Variants in GLCCI1 observed in about 807,000 individuals in gnomAD.
GLCCI1 encodes glucocorticoid induced 1, also known as glucocorticoid-induced transcript 1 protein.
GLCCI1 carries 24 observed loss-of-function variants against 52.2 expected under a neutral mutation model. The observed-to-expected ratio is 0.46, with a 90% CI of 0.33 to 0.65. The LOEUF is 0.65. Among genes scored for constraint, GLCCI1 ranks in the 30% least tolerant of loss-of-function variants. The probability of loss-of-function intolerance (pLI) is 0.02; values close to 1 mark genes in which losing one functional copy is unlikely to be tolerated. For missense variants in GLCCI1, 704 were observed against 701.5 expected, an observed-to-expected ratio of 1.00 and a Z score of -0.04; for synonymous variants, 310 against 276.5, an observed-to-expected ratio of 1.12 and a Z score of -1.20.
chr7:8,025,660 A>G (rs1781603079), intron 3 of GLCCI1, among the ~76,000 whole-genome samples: 1 of 152,218 alleles, frequency 6.6e-6, no homozygotes, highest in African/African-American at 2.4e-5. Context: ...CTACAGATTC[A>G]TGAAGCTTAA....
intron 4 of GLCCI1, among the ~76,000 whole-genome samples, chr7:8,059,722 G>T (rs957826047): frequency 6.6e-6 from 1 of 152,170 alleles, no homozygotes; most frequent in African/African-American, 2.4e-5. Context: ...CTCATACAGA[G>T]CTATACAGTA....
At chr7:8,056,359 G>C (rs935023025) in intron 4 of GLCCI1, among the ~76,000 whole-genome samples, 1 of 152,140 alleles carries the variant, frequency 6.6e-6, no homozygotes, top group Non-Finnish European at 1.5e-5. Context: ...GGATGATACT[G>C]ACCTGGATTG....
At chr7:8,050,514 A>T (rs1782233477) in intron 3 of GLCCI1, among the ~76,000 whole-genome samples, 1 of 152,180 alleles carries the variant, frequency 6.6e-6, no homozygotes, top group African/African-American at 2.4e-5. Flanking sequence ...TATAAACATT[A>T]AAGTTTGTCG....
chr7:7,998,185 T>G (rs1210352245), intron 1 of GLCCI1, among the ~76,000 whole-genome samples: 4 of 149,770 alleles, frequency 2.7e-5, no homozygotes, highest in Non-Finnish European at 5.9e-5. Context: ...TGTTTTTTTT[T>G]TTTTTTGTTG....
chr7:8,008,084 G>T (rs916483318), intron 2 of GLCCI1, among the ~76,000 whole-genome samples: 6 of 141,136 alleles, frequency 4.3e-5, no homozygotes, highest in African/African-American at 1.6e-4. Flanking sequence ...TTTATGTGTG[G>T]TGAGAACACT....
At chr7:8,064,436 C>G (rs911781865) in intron 5 of GLCCI1, among the ~76,000 whole-genome samples, 1 of 152,070 alleles carries the variant, frequency 6.6e-6, no homozygotes, top group Non-Finnish European at 1.5e-5. Context: ...TATTTCTGGG[C>G]TCTCTCTTCT....
At chr7:8,045,586 A>G (rs1271200658) in intron 3 of GLCCI1, among the ~76,000 whole-genome samples, 1 of 152,208 alleles carries the variant, frequency 6.6e-6, no homozygotes, top group African/African-American at 2.4e-5. Context: ...AGGCAGTGCA[A>G]CTATACCTGA....
In GLCCI1 at chr7:8,048,005, A is replaced by T. The variant is rs911823199; in HGVS notation, c.697-7428A>T. ...GGGGCTTCTTTTCTCTTTCTTGCTC[A>T]TTTTTTCCCTAACTCAACAGTCTCT... On this transcript the variant is annotated intron_variant, in intron 3 of 7. Coordinates refer to ENST00000223145, the MANE Select transcript of GLCCI1 (RefSeq NM_138426.4). Among the ~76,000 whole-genome samples the T allele has an allele frequency of 8.6e-5, 13 of 152,002 alleles. No individual in the cohort carries two copies. The East Asian group carries it at 1.9e-3, about 23-fold the overall frequency.
intron 4 of GLCCI1, among the ~76,000 whole-genome samples, chr7:8,056,008 C>T (rs1179838610): frequency 8.4e-6 from 1 of 118,380 alleles, no homozygotes; most frequent in Non-Finnish European, 1.8e-5. Flanking sequence ...AAAAAAAAAA[C>T]AAAAACCAGC....
chr7:8,086,632 C>A lies in GLCCI1; in HGVS notation c.*94C>A. 3 of 919,522 alleles carry A rather than the reference C, an allele frequency of 3.3e-6. No homozygotes were observed. Among genetic ancestry groups the A allele is most frequent in the Non-Finnish European group, 5.0e-6 (3 of 598,176 alleles). The allele number at this position is 919,522 out of a possible 1,614,324, so 57.0% of individuals were successfully genotyped here. A position where few individuals can be genotyped will look rare whatever the true frequency, so the allele number is the denominator to read the frequency against. On this transcript the variant is annotated 3_prime_UTR_variant, in exon 8 of 8. Transcript: ENST00000223145. This position sits in a 1 kb window ranked among gnomAD's most constrained non-coding sequence, Gnocchi z 4.4. ...TGACAAACTTTCTGAACACCACCAC[C>A]ACCAATAATACTTATCAGCATCATA...
chr7:7,969,478 C>A lies in GLCCI1; in HGVS notation c.128C>A (p.Ala43Glu). ...AVAAAGSGNG[A>E]GGGGGVGCAP... is the part of the protein sequence containing the mutation. ...GCCGCCGCCGGGAGCGGGAACGGTG[C>A]GGGCGGCGGCGGCGGCGTGGGCTGC... is the stretch of plus-strand genomic sequence containing the variant. The change falls in exon 1 of 8, where the codon GCG (alanine) becomes GAG (glutamate). Residue 43 changes from alanine to glutamate, a missense_variant. Physicochemically the swap from Ala to Glu is moderately radical, Grantham distance 107 (BLOSUM62 -1). Coordinates refer to ENST00000223145, the MANE Select transcript of GLCCI1 (RefSeq NM_138426.4). This position sits in a 1 kb window ranked among gnomAD's most constrained non-coding sequence, Gnocchi z 4.9. 1 of 1,027,218 alleles carries A rather than the reference C, an allele frequency of 9.7e-7. No homozygotes were observed. The highest frequency in any genetic ancestry group is 1.2e-6 in the Non-Finnish European group (1 of 861,106). The allele number at this position is 1,027,218 out of a possible 1,614,324, so 63.6% of individuals were successfully genotyped here.
intron 2 of GLCCI1, among the ~76,000 whole-genome samples, chr7:8,018,120 T>G (rs1263408416): frequency 6.6e-6 from 1 of 152,178 alleles, no homozygotes; most frequent in Non-Finnish European, 1.5e-5. Flanking sequence ...TCTTGCTAGG[T>G]TTATCATTGC....
intron 3 of GLCCI1, among the ~76,000 whole-genome samples, chr7:8,022,993 T>C (rs892783898): frequency 1.3e-5 from 2 of 152,184 alleles, no homozygotes; most frequent in African/African-American, 4.8e-5. Context: ...CTTTGTACAA[T>C]GGTAGGATAG....
At chr7:8,027,076 A>G (rs1226428360) in intron 3 of GLCCI1, among the ~76,000 whole-genome samples, 7 of 152,246 alleles carry the variant, frequency 4.6e-5, no homozygotes, top group African/African-American at 1.7e-4. Flanking sequence ...TTCAATGCCC[A>G]GACACTGAGG....
intron 1 of GLCCI1, among the ~76,000 whole-genome samples, chr7:7,985,597 T>C (rs1394297443): frequency 6.6e-6 from 1 of 152,168 alleles, no homozygotes; most frequent in Non-Finnish European, 1.5e-5. Flanking sequence ...TTCCTTGTGA[T>C]TCAGGGGAAG....
At chr7:8,029,916 G>T (rs1781708764) in intron 3 of GLCCI1, among the ~76,000 whole-genome samples, 1 of 152,054 alleles carries the variant, frequency 6.6e-6, no homozygotes. Flanking sequence ...CCAAAAAATG[G>T]AAGGATACTT....
At chr7:8,033,122 A>T (rs1172884952) in intron 3 of GLCCI1, among the ~76,000 whole-genome samples, 1 of 152,046 alleles carries the variant, frequency 6.6e-6, no homozygotes, top group Non-Finnish European at 1.5e-5. Context: ...TAATGGCATG[A>T]ATTATATTAA....
intron 3 of GLCCI1, among the ~76,000 whole-genome samples, chr7:8,033,037 A>C (rs1478960977): frequency 6.6e-6 from 1 of 151,980 alleles, no homozygotes; most frequent in African/African-American, 2.4e-5. Context: ...AGCAATAAAT[A>C]AGAGGGATTA....
chr7:8,077,537 GT>G (rs1782899378), intron 6 of GLCCI1, among the ~76,000 whole-genome samples: 1 of 152,160 alleles, frequency 6.6e-6, no homozygotes, highest in African/African-American at 2.4e-5. Flanking sequence ...ACTTAATTAT[GT>G]GCCCTTGGAC....
Sources: gnomAD v4.1 joint callset for allele counts (sites outside exome capture counted in the v4.1 genomes callset) on GRCh38, gnomAD v4.1.1 for gene constraint, Gnocchi (gnomAD v3.1) non-coding constraint, MANE v1.5 for transcripts, NCBI Gene and HGNC (gene_info 2026-07-23, HGNC 2026-07-21) for gene names.